Variants in ZNF580 observed in about 807,000 individuals in gnomAD.
The protein encoded by ZNF580 is LDL-induced EC protein.
Under a neutral mutation model 1.3 loss-of-function variants are expected in ZNF580, and 1 was observed. The observed-to-expected ratio is 0.77, with a 90% CI of 0.27 to 3.65. The LOEUF (loss-of-function observed/expected upper bound fraction) is 3.65, where lower values mean the gene tolerates loss of function less well. Among genes scored for constraint, ZNF580 ranks in the 30% most tolerant of loss-of-function variants. ZNF580 has a pLI of 0.19. For missense variants in ZNF580, 268 were observed against 272.3 expected (o/e 0.98, Z 0.11); for synonymous variants, 135 against 128.8 (o/e 1.05, Z -0.32).
In ZNF580 at chr19:55,642,763, G is replaced by A; in HGVS notation, c.255G>A (p.Glu85=). The change falls in exon 2 of 2, where the codon GAG becomes GAA. Residue 85 remains glutamate, a synonymous_variant. Transcript: ENST00000325333. The part of the protein sequence containing the change: ...GPPQREAPPG[E]PGPRKGYSCP... ...CCCAGCGCGAGGCGCCCCCAGGAGA[G>A]CCCGGCCCTCGCAAGGGCTACAGCT... 6.5e-7 allele frequency: 1 copy of A among 1,543,702 alleles called. No homozygotes were observed. Among genetic ancestry groups the A allele is most frequent in the Non-Finnish European group, 8.7e-7 (1 of 1,150,424 alleles).
chr19:55,642,497 C>A lies in ZNF580; in HGVS notation c.-12C>A. The A allele has an allele frequency of 6.3e-6, 9 of 1,428,592 alleles. No individual in the cohort carries two copies. The highest frequency in any genetic ancestry group is 8.2e-6 in the Non-Finnish European group (9 of 1,092,604). 88.5% of individuals were successfully genotyped at this position (1,428,592 alleles called of 1,614,324 possible). A position where few individuals can be genotyped will look rare whatever the true frequency, so the allele number is the denominator to read the frequency against. On this transcript the variant is annotated splice_region_variant and 5_prime_UTR_variant, in exon 2 of 2. The change creates a new upstream start codon in the 5' untranslated region. Transcript: ENST00000325333. ...CTAATCTCCCCTCCGCCGCTCCCAGCTGCCGCTCCAGATGCTGCTGCTGCC... is the reference window on the plus strand; with the variant it reads ...CTAATCTCCCCTCCGCCGCTCCCAGATGCCGCTCCAGATGCTGCTGCTGCC...
At chr19:55,642,207 A>G (rs1982543558) in intron 1 of ZNF580, 1 of 1,165,368 alleles carries the variant, frequency 8.6e-7, no homozygotes, top group Non-Finnish European at 1.1e-6. Context: ...AAAAGGGAAG[A>G]AAAGTCGGGG....
At position 55,643,078 on chromosome 19, in the gene ZNF580, G is replaced by A. The variant is rs773996977; in HGVS notation, c.*51G>A. 128 of 1,336,520 alleles carry A rather than the reference G, an allele frequency of 9.6e-5. No homozygotes were observed. The highest frequency in any genetic ancestry group is 1.2e-4 in the Non-Finnish European group (122 of 1,041,128). The allele number at this position is 1,336,520 out of a possible 1,614,324, so 82.8% of individuals were successfully genotyped here. A position where few individuals can be genotyped will look rare whatever the true frequency, so the allele number is the denominator to read the frequency against. On this transcript the variant is annotated 3_prime_UTR_variant, in exon 2 of 2. Coordinates refer to ENST00000325333, the MANE Select transcript of ZNF580 (RefSeq NM_207115.2). ...TGCCCGTCTCAGGGCCACCAAGTCT[G>A]ACCCACACAGCGTCACTCACTCCCA...
chr19:55,642,800 G>T lies in ZNF580; in HGVS notation c.292G>T (p.Ala98Ser). The T allele has an allele frequency of 6.4e-7, 1 of 1,565,388 alleles. No individual in the cohort carries two copies. Among genetic ancestry groups the T allele is most frequent in the Non-Finnish European group, 8.6e-7 (1 of 1,163,402 alleles). ...PRKGYSCPECARVFASPLRLQ... is the reference protein window; with the variant it reads ...PRKGYSCPECSRVFASPLRLQ... ...CAAGGGCTACAGCTGCCCGGAGTGCGCCCGTGTCTTTGCCAGCCCTCTGCG... is the reference window on the plus strand; with the variant it reads ...CAAGGGCTACAGCTGCCCGGAGTGCTCCCGTGTCTTTGCCAGCCCTCTGCG... The change falls in exon 2 of 2, where the codon GCC (alanine) becomes TCC (serine). Residue 98 changes from alanine to serine, a missense_variant. Physicochemically the swap from Ala to Ser is moderately conservative, Grantham distance 99. Around this residue, in one of 2 missense-constraint regions of ZNF580, gnomAD observed 225 missense variants for 201.7 expected, o/e 1.12. Coordinates refer to ENST00000325333, the MANE Select transcript of ZNF580 (RefSeq NM_207115.2).
Position 55,642,591 on chromosome 19 carries a change from C to T in ZNF580, c.83C>T (p.Pro28Leu), listed in dbSNP as rs770026235. The change falls in exon 2 of 2, where the codon CCT (proline) becomes CTT (leucine). Residue 28 changes from proline (P) to leucine (L), a missense_variant. Coordinates refer to ENST00000325333, the MANE Select transcript of ZNF580 (RefSeq NM_207115.2). ...GACCCACCGCCCCCCAAGGCTCCCCCTTTCCCCAAGGCGGAAGGCCCCTCC... is the reference window on the plus strand; with the variant it reads ...GACCCACCGCCCCCCAAGGCTCCCCTTTTCCCCAAGGCGGAAGGCCCCTCC... ...AMDPPPPKAP[P>L]FPKAEGPSST... 4 of 1,452,052 alleles carry T rather than the reference C, an allele frequency of 2.8e-6. No individual in the cohort carries two copies. Among genetic ancestry groups the T allele is most frequent in the Admixed American group, 5.4e-5 (2 of 37,100 alleles). 89.9% of individuals were successfully genotyped at this position (1,452,052 alleles called of 1,614,324 possible).
Position 55,642,636 on chromosome 19 carries a change from C to T in ZNF580, c.128C>T (p.Ala43Val). 2 of 1,436,118 alleles carry T rather than the reference C, an allele frequency of 1.4e-6. No homozygotes were observed. The highest frequency in any genetic ancestry group is 9.1e-7 in the Non-Finnish European group (1 of 1,094,208). 89.0% of individuals were successfully genotyped at this position (1,436,118 alleles called of 1,614,324 possible). ...CCCTCCTCCACTCCTTCCTCGGCGG[C>T]GGGGCCCCGACCCCCGCGGCTGGGC... ...EGPSSTPSSA[A>V]GPRPPRLGRH... is the part of the protein sequence containing the mutation. Residue 43 changes from alanine to valine, a missense_variant, in exon 2 of 2, where the codon GCG (alanine) becomes GTG (valine). Transcript: ENST00000325333.
At chr19:55,641,916 G>T in intron 1 of ZNF580, 2 of 361,196 alleles carry the variant, frequency 5.5e-6, no homozygotes, top group Non-Finnish European at 7.7e-6. Context: ...GGGCTCTGGG[G>T]AGGTACCTAG....
At position 55,641,609 on chromosome 19, in the gene ZNF580, G is replaced by C. The variant is rs73058343; in HGVS notation, c.-13+426G>C. 3.9e-3 allele frequency among the ~76,000 whole-genome samples: 587 copies of C among 152,150 alleles called. 2 individuals carry two copies. Among genetic ancestry groups the C allele is most frequent in the Non-Finnish European group, 6.9e-3 (472 of 68,006 alleles). ...GAGGTGCTGTGGGAAGCGGAGTCCCGGAGCCTGGTGTGCATAACGGGGTTT... is the reference window on the plus strand; with the variant it reads ...GAGGTGCTGTGGGAAGCGGAGTCCCCGAGCCTGGTGTGCATAACGGGGTTT... On this transcript the variant is annotated intron_variant, in intron 1 of 1. Coordinates refer to ENST00000325333, the MANE Select transcript of ZNF580 (RefSeq NM_207115.2).
rs1036981308 is a variant in ZNF580, at chr19:55,643,102, C to T, written c.*75C>T. 15 of 1,319,914 alleles carry T rather than the reference C, an allele frequency of 1.1e-5. No homozygotes were observed. The East Asian group carries it at 4.1e-4, about 36-fold the overall frequency. 81.8% of individuals were successfully genotyped at this position (1,319,914 alleles called of 1,614,324 possible). On this transcript the variant is annotated 3_prime_UTR_variant, in exon 2 of 2. Transcript: ENST00000325333. ...TGACCCACACAGCGTCACTCACTCC[C>T]ACACACACCCCCTGGCTCTGCTGAG...
Position 55,642,821 on chromosome 19 carries a change from C to A in ZNF580, c.313C>A (p.Leu105Met). 1 of 1,574,570 alleles carries A rather than the reference C, an allele frequency of 6.4e-7. No individual in the cohort carries two copies. Among genetic ancestry groups the A allele is most frequent in the East Asian group, 2.3e-5 (1 of 43,132 alleles). The change falls in exon 2 of 2, where the codon CTG (leucine) becomes ATG (methionine). Residue 105 changes from leucine (L) to methionine (M), a missense_variant. Transcript: ENST00000325333. ...PECARVFASP[L>M]RLQSHRVSHS... ...GTGCGCCCGTGTCTTTGCCAGCCCT[C>A]TGCGGCTGCAGAGCCACCGCGTGTC...
chr19:55,643,231 G>T lies in ZNF580; in HGVS notation c.*204G>T, dbSNP rs530027162. On this transcript the variant is annotated 3_prime_UTR_variant, in exon 2 of 2. Coordinates refer to ENST00000325333, the MANE Select transcript of ZNF580 (RefSeq NM_207115.2). ...CTGTGTGATGTAGACCAAAGTCGTTGCCCCTCCCTGGGCCTGGGAACCAGT... is the reference window on the plus strand; with the variant it reads ...CTGTGTGATGTAGACCAAAGTCGTTTCCCCTCCCTGGGCCTGGGAACCAGT... 36 of 908,432 alleles carry T rather than the reference G, an allele frequency of 4.0e-5. 1 individual carries two copies. In the South Asian group the frequency reaches 1.7e-3, roughly 43 times the overall value. The allele number at this position is 908,432 out of a possible 1,614,324, so 56.3% of individuals were successfully genotyped here.
Position 55,641,165 on chromosome 19 carries a change from C to G in ZNF580, c.-31C>G. The G allele has an allele frequency of 1.0e-6, 1 of 985,394 alleles. No homozygotes were observed. Among genetic ancestry groups the G allele is most frequent in the Non-Finnish European group, 1.2e-6 (1 of 829,946 alleles). 61.0% of individuals were successfully genotyped at this position (985,394 alleles called of 1,614,324 possible). ...GGACCTCGGCCCGTTCCTCCGGACC[C>G]GAGAGGCCGCCGCACGGGGTACGGG... On this transcript the variant is annotated 5_prime_UTR_variant, in exon 1 of 2. Coordinates refer to ENST00000325333, the MANE Select transcript of ZNF580 (RefSeq NM_207115.2).
At chr19:55,642,465 A>G (rs1290328489) in intron 1 of ZNF580, 32 bp from the exon 2 acceptor site, 4 of 1,397,556 alleles carry the variant, frequency 2.9e-6, no homozygotes, top group Non-Finnish European at 3.7e-6. Context: ...GGAAGTGGCA[A>G]TTTTAACTAA....
rs1288358295 is a variant in ZNF580, at chr19:55,643,117, G to T, written c.*90G>T. The stretch of plus-strand genomic sequence containing the variant: ...CACTCACTCCCACACACACCCCCTG[G>T]CTCTGCTGAGGTTACTGCCTTACCC... On this transcript the variant is annotated 3_prime_UTR_variant, in exon 2 of 2. Transcript: ENST00000325333. 1.0e-5 allele frequency: 13 copies of T among 1,303,482 alleles called. No individual in the cohort carries two copies. The highest frequency in any genetic ancestry group is 1.3e-5 in the Non-Finnish European group (13 of 1,021,480). The allele number at this position is 1,303,482 out of a possible 1,614,324, so 80.7% of individuals were successfully genotyped here.
intron 1 of ZNF580, 146 bp downstream of exon 1, chr19:55,641,329 G>A (rs571411729): frequency 1.6e-5 from 8 of 491,252 alleles, no homozygotes; most frequent in African/African-American, 1.0e-4. Context: ...GGGAAGTCGA[G>A]GCGCCAGGGC....
At chr19:55,641,952 T>C (rs1305847193) in intron 1 of ZNF580, 28 of 757,418 alleles carry the variant, frequency 3.7e-5, no homozygotes, top group Non-Finnish European at 4.3e-5. Context: ...GGCCACGGAA[T>C]ATGAAGATGG....
In ZNF580 at chr19:55,642,484, C is replaced by G; in HGVS notation, c.-12-13C>G. 1 of 1,424,286 alleles carries G rather than the reference C, an allele frequency of 7.0e-7. No individual in the cohort carries two copies. The highest frequency in any genetic ancestry group is 1.6e-5 in the South Asian group (1 of 60,890). 88.2% of individuals were successfully genotyped at this position (1,424,286 alleles called of 1,614,324 possible). ...GTGGCAATTTTAACTAATCTCCCCT[C>G]CGCCGCTCCCAGCTGCCGCTCCAGA... is the stretch of plus-strand genomic sequence containing the variant. On this transcript the variant is annotated splice_polypyrimidine_tract_variant and intron_variant, in intron 1 of 1. Transcript: ENST00000325333.
intron 1 of ZNF580, among the ~76,000 whole-genome samples, chr19:55,641,471 G>A (rs1369641713): frequency 6.6e-6 from 1 of 152,202 alleles, no homozygotes; most frequent in Non-Finnish European, 1.5e-5. Flanking sequence ...AGAACGGGCG[G>A]GGGACCACGC....
rs1982644695 is a variant in ZNF580 at position 55,643,228 on chromosome 19, G to C, written c.*201G>C. The C allele has an allele frequency of 4.2e-6, 4 of 944,104 alleles. No individual in the cohort carries two copies. The highest frequency in any genetic ancestry group is 1.7e-5 in the African/African-American group (1 of 57,906). 58.5% of individuals were successfully genotyped at this position (944,104 alleles called of 1,614,324 possible). On this transcript the variant is annotated 3_prime_UTR_variant, in exon 2 of 2. Transcript: ENST00000325333. ...TAGCTGTGTGATGTAGACCAAAGTC[G>C]TTGCCCCTCCCTGGGCCTGGGAACC...
Sources: gnomAD v4.1 joint callset for allele counts (sites outside exome capture counted in the v4.1 genomes callset) on GRCh38, gnomAD v4.1.1 for gene constraint, gnomAD v4.1.1 regional missense constraint, MANE v1.5 for transcripts, NCBI Gene and HGNC (gene_info 2026-07-23, HGNC 2026-07-21) for gene names.